TMEM232: variants seen among roughly 807,000 people sequenced by gnomAD.
The protein encoded by TMEM232 is transmembrane protein 232.
In TMEM232, 80 loss-of-function variants were observed where a neutral mutation model predicts 78.8. The observed-to-expected ratio is 1.01, with a 90% CI of 0.85 to 1.22. TMEM232 has a LOEUF of 1.22. Among genes scored for constraint, TMEM232 ranks in the 50% most tolerant of loss-of-function variants. The pLI is 0.00. For missense variants in TMEM232, 881 were observed against 742.2 expected, an observed-to-expected ratio of 1.19 and a Z score of -2.17; for synonymous variants, 297 against 254.3, an observed-to-expected ratio of 1.17 and a Z score of -1.60.
chr5:110,604,269 T>C (rs1248079300), intron 10 of TMEM232, among the ~76,000 whole-genome samples: 1 of 152,190 alleles, frequency 6.6e-6, no homozygotes, highest in Non-Finnish European at 1.5e-5. Context: ...TGAGTTAACA[T>C]TGTCCCCATA....
At chr5:110,645,958 T>G (rs1360329674) in intron 2 of TMEM232, among the ~76,000 whole-genome samples, 1 of 151,596 alleles carries the variant, frequency 6.6e-6, no homozygotes, top group Non-Finnish European at 1.5e-5. Flanking sequence ...ACAATCCTAT[T>G]TATAATAGCA....
chr5:110,455,438 C>T (rs1024063021), intron 12 of TMEM232, among the ~76,000 whole-genome samples: 9 of 150,618 alleles, frequency 6.0e-5, no homozygotes, highest in South Asian at 2.1e-4. Flanking sequence ...AGTGCAGTGG[C>T]GCAATCTCGG....
At chr5:110,517,141 T>C (rs1226141253) in intron 12 of TMEM232, among the ~76,000 whole-genome samples, 1 of 152,204 alleles carries the variant, frequency 6.6e-6, no homozygotes, top group African/African-American at 2.4e-5. Context: ...TGTGGTACTA[T>C]GAATAAAGAC....
At chr5:110,657,198 C>T (rs1227384738) in intron 2 of TMEM232, among the ~76,000 whole-genome samples, 2 of 152,010 alleles carry the variant, frequency 1.3e-5, no homozygotes, top group Non-Finnish European at 2.9e-5. Flanking sequence ...GGAGGTTCCT[C>T]AAAAAACTAA....
chr5:110,686,096 T>C (rs1161205294), intron 1 of TMEM232, among the ~76,000 whole-genome samples: 1 of 152,056 alleles, frequency 6.6e-6, no homozygotes, highest in Non-Finnish European at 1.5e-5. Flanking sequence ...ACCACAGCAG[T>C]ATCTCCCATA....
At chr5:110,454,419 G>A (rs1490695866) in intron 12 of TMEM232, among the ~76,000 whole-genome samples, 4 of 152,006 alleles carry the variant, frequency 2.6e-5, no homozygotes, top group Non-Finnish European at 4.4e-5. Flanking sequence ...AGGAGTTCTG[G>A]GCAATAGTGC....
At chr5:110,568,864 T>C (rs72771422) in intron 10 of TMEM232, among the ~76,000 whole-genome samples, 1 of 151,888 alleles carries the variant, frequency 6.6e-6, no homozygotes, top group Non-Finnish European at 1.5e-5. Context: ...CTAACTGGTA[T>C]ACTTCATAAA....
intron 12 of TMEM232, among the ~76,000 whole-genome samples, chr5:110,463,611 T>A (rs2149359301): frequency 6.6e-6 from 1 of 152,308 alleles, no homozygotes; most frequent in Middle Eastern, 3.4e-3. Context: ...CTTTTCTCAT[T>A]CAAAACCATT....
At chr5:110,549,053 G>A (rs1052441314) in intron 11 of TMEM232, among the ~76,000 whole-genome samples, 2 of 151,804 alleles carry the variant, frequency 1.3e-5, no homozygotes, top group Non-Finnish European at 2.9e-5. Flanking sequence ...AATTAGAAAA[G>A]TTTTTGAACT....
chr5:110,449,732 C>T lies in TMEM232; in HGVS notation c.1704-24816G>A, dbSNP rs1382401393. Among the ~76,000 whole-genome samples, 8 of 152,088 alleles carry T rather than the reference C, an allele frequency of 5.3e-5. No individual in the cohort carries two copies. In the South Asian group the frequency reaches 1.0e-3, roughly 20 times the overall value. ...AACTATGGAGCACCTACTGTATACT[C>T]GGTTCTGTATCAGATTGTGGAGCTA... On this transcript the variant is annotated intron_variant, in intron 12 of 13. Coordinates refer to ENST00000455884, the MANE Select transcript of TMEM232 (RefSeq NM_001039763.4).
At chr5:110,431,704 T>G (rs1580652138) in intron 12 of TMEM232, among the ~76,000 whole-genome samples, 1 of 151,874 alleles carries the variant, frequency 6.6e-6, no homozygotes, top group East Asian at 1.9e-4. Context: ...ATTCACATAT[T>G]ACTTATAGAA....
chr5:110,596,342 T>A (rs1385111598), intron 10 of TMEM232, among the ~76,000 whole-genome samples: 2 of 152,078 alleles, frequency 1.3e-5, no homozygotes, highest in Non-Finnish European at 2.9e-5. Context: ...AATAGACCAA[T>A]AACAGGCTCT....
chr5:110,728,567 T>A (rs1466885472), upstream of TMEM232, among the ~76,000 whole-genome samples: 1 of 151,526 alleles, frequency 6.6e-6, no homozygotes, highest in Non-Finnish European at 1.5e-5. Context: ...CCACAATGAT[T>A]TTAAAAAATG....
At chr5:110,620,540 TAA>T (rs1783499243) in intron 7 of TMEM232, among the ~76,000 whole-genome samples, 1 of 149,706 alleles carries the variant, frequency 6.7e-6, no homozygotes, top group African/African-American at 2.5e-5. Flanking sequence ...ACTCTCTTAT[TAA>T]GACATCCCAT....
chr5:110,543,793 C>T (rs1238170693), intron 11 of TMEM232, among the ~76,000 whole-genome samples: 2 of 152,016 alleles, frequency 1.3e-5, no homozygotes, highest in African/African-American at 4.8e-5. Flanking sequence ...CTCTGCCATG[C>T]CAAAACAGTT....
intron 11 of TMEM232, among the ~76,000 whole-genome samples, chr5:110,557,571 T>A (rs1775246985): frequency 1.3e-5 from 2 of 152,160 alleles, no homozygotes. Flanking sequence ...CTGCTTAGAC[T>A]CTTGGGAGGC....
At chr5:110,457,476 T>G (rs2149347878) in intron 12 of TMEM232, among the ~76,000 whole-genome samples, 1 of 152,216 alleles carries the variant, frequency 6.6e-6, no homozygotes, top group Admixed American at 6.5e-5. Flanking sequence ...ATACTTACCA[T>G]ATAATCTAGA....
chr5:110,666,536 T>C (rs1185675568), intron 2 of TMEM232: 2 of 152,160 alleles, frequency 1.3e-5, no homozygotes, highest in African/African-American at 2.4e-5. Flanking sequence ...TTAGGTCCTG[T>C]TGCTTTTTAT....
At chr5:110,559,314 C>A (rs897293310) in intron 11 of TMEM232, among the ~76,000 whole-genome samples, 1 of 151,654 alleles carries the variant, frequency 6.6e-6, no homozygotes, top group African/African-American at 2.4e-5. Context: ...ACAAGTAAAC[C>A]CTAATAATAA....
Sources: allele counts gnomAD v4.1 joint callset (sites outside exome capture counted in the v4.1 genomes callset), GRCh38; gene constraint gnomAD v4.1.1; transcripts MANE v1.5; gene names NCBI Gene and HGNC (gene_info 2026-07-23, HGNC 2026-07-21).